DAGLA: variants seen among roughly 807,000 people sequenced by gnomAD.
The protein encoded by DAGLA is diacylglycerol lipase alpha.
DAGLA carries 22 observed loss-of-function variants against 102.6 expected under a neutral mutation model. The ratio of observed to expected loss-of-function variants is 0.21; its 90% CI spans 0.15 to 0.31. The LOEUF is 0.31. DAGLA is among the 10% of genes least tolerant of loss of function. The pLI, the probability that DAGLA is intolerant of heterozygous loss-of-function variation, is 1.00. For synonymous variants in DAGLA, 578 were observed against 628.9 expected (o/e 0.92, Z 1.21); for missense variants, 927 against 1,446.6 (o/e 0.64, Z 5.83).
chr11:61,735,534 C>G, intron 10 of DAGLA, 27 bp from the exon 11 acceptor site: 1 of 1,610,576 alleles, frequency 6.2e-7, no homozygotes, highest in Non-Finnish European at 8.5e-7. Flanking sequence ...CAGGGCCGCT[C>G]AGGCTCACGA....
At chr11:61,731,215 C>G in intron 8 of DAGLA, 102 bp from the exon 9 acceptor site, 2 of 1,444,078 alleles carry the variant, frequency 1.4e-6, no homozygotes, top group Non-Finnish European at 1.9e-6. Context: ...CCCTCCCTGC[C>G]AGGGGTTGGG....
intron 1 of DAGLA, among the ~76,000 whole-genome samples, chr11:61,710,139 G>A (rs919095142): frequency 8.5e-5 from 13 of 152,160 alleles, no homozygotes; most frequent in African/African-American, 2.9e-4. Context: ...CTTCACTGAG[G>A]CGTTGCCAGC....
chr11:61,725,550 C>G (rs2065317986), intron 5 of DAGLA, among the ~76,000 whole-genome samples: 1 of 152,178 alleles, frequency 6.6e-6, no homozygotes, highest in Non-Finnish European at 1.5e-5. Context: ...AAGGTCTGTT[C>G]CAGGCCTTAG....
chr11:61,737,369 A>G, intron 14 of DAGLA, 45 bp downstream of exon 14: 1 of 1,603,776 alleles, frequency 6.2e-7, no homozygotes, highest in South Asian at 1.1e-5. Flanking sequence ...AGTTGGGACC[A>G]GTGGAGGCTG....
chr11:61,725,128 T>C (rs2135586900), intron 5 of DAGLA, among the ~76,000 whole-genome samples: 1 of 152,294 alleles, frequency 6.6e-6, no homozygotes, highest in Non-Finnish European at 1.5e-5. Flanking sequence ...CATCAGGCTT[T>C]TAAGGGGCCG....
chr11:61,737,940 G>A (rs1224185985), intron 15 of DAGLA, among the ~76,000 whole-genome samples, 185 bp downstream of exon 15: 3 of 151,728 alleles, frequency 2.0e-5, no homozygotes, highest in South Asian at 2.1e-4. Flanking sequence ...GCTGGCGCCC[G>A]CCCTGCCTGT....
At chr11:61,702,801 G>A (rs1565250111) in intron 1 of DAGLA, among the ~76,000 whole-genome samples, 2 of 152,244 alleles carry the variant, frequency 1.3e-5, no homozygotes, top group African/African-American at 4.8e-5. Flanking sequence ...AGGGAAGCCA[G>A]GCTTGTCAAT....
intron 1 of DAGLA, among the ~76,000 whole-genome samples, chr11:61,688,729 G>A (rs2065003826): frequency 6.6e-6 from 1 of 152,222 alleles, no homozygotes; most frequent in Non-Finnish European, 1.5e-5. Context: ...GTGTGGGGAG[G>A]AAGGAGGATA....
intron 1 of DAGLA, among the ~76,000 whole-genome samples, chr11:61,704,121 C>CTTT (rs59450113): frequency 5.4e-5 from 5 of 91,950 alleles, no homozygotes; most frequent in East Asian, 5.5e-4. Flanking sequence ...CAGAGAATTT[C>CTTT]TTTTTTTTTT....
intron 1 of DAGLA, among the ~76,000 whole-genome samples, chr11:61,690,465 A>G (rs1235007630): frequency 1.3e-5 from 2 of 152,218 alleles, no homozygotes; most frequent in African/African-American, 4.8e-5. Flanking sequence ...CTATGTGGTG[A>G]GTCCTCTCTG....
In DAGLA at chr11:61,737,333, T is replaced by G; in HGVS notation, c.1514+9T>G. The G allele has an allele frequency of 6.2e-7, 1 of 1,609,448 alleles. No individual in the cohort carries two copies. Among genetic ancestry groups the G allele is most frequent in the Non-Finnish European group, 8.5e-7 (1 of 1,179,998 alleles). The stretch of plus-strand genomic sequence containing the variant: ...CCAGGGGGCCTGCTGAGGTGAGCCA[T>G]CTGGGGCTTCAGAGTTGGCTGGGGC... On this transcript the variant is annotated intron_variant, in intron 14 of 19. Coordinates refer to ENST00000257215, the MANE Select transcript of DAGLA (RefSeq NM_006133.3).
chr11:61,704,536 T>C (rs1392742744), intron 1 of DAGLA, among the ~76,000 whole-genome samples: 3 of 151,946 alleles, frequency 2.0e-5, no homozygotes, highest in Non-Finnish European at 4.4e-5. Context: ...TGACCTGCCT[T>C]GGGAAAGAGG....
intron 1 of DAGLA, among the ~76,000 whole-genome samples, chr11:61,706,692 G>T (rs1258457338): frequency 1.3e-5 from 2 of 152,214 alleles, no homozygotes; most frequent in Non-Finnish European, 2.9e-5. Flanking sequence ...GAGCTGTGAC[G>T]CAGGCTGACC....
chr11:61,733,108 C>T (rs2065390397), intron 9 of DAGLA, among the ~76,000 whole-genome samples: 1 of 152,224 alleles, frequency 6.6e-6, no homozygotes, highest in African/African-American at 2.4e-5. Flanking sequence ...GATCTCACAC[C>T]AGCCTTGTGA....
At chr11:61,682,787 C>T (rs960744003) in intron 1 of DAGLA, among the ~76,000 whole-genome samples, 1 of 148,102 alleles carries the variant, frequency 6.8e-6, no homozygotes, top group Non-Finnish European at 1.5e-5. Flanking sequence ...TCAGAGCATC[C>T]ACAGATCGAT....
intron 1 of DAGLA, among the ~76,000 whole-genome samples, chr11:61,714,122 T>C (rs560135469): frequency 9.2e-5 from 14 of 152,158 alleles, no homozygotes; most frequent in Non-Finnish European, 2.1e-4. Flanking sequence ...ATAGCAACCG[T>C]GGGGGCCCTT....
At chr11:61,689,242 A>G (rs1565245318) in intron 1 of DAGLA, among the ~76,000 whole-genome samples, 1 of 152,224 alleles carries the variant, frequency 6.6e-6, no homozygotes, top group Non-Finnish European at 1.5e-5. Flanking sequence ...CCCAGTGGCT[A>G]AGGGGACTGT....
chr11:61,682,783 C>A (rs1388755785), intron 1 of DAGLA, among the ~76,000 whole-genome samples: 1 of 148,798 alleles, frequency 6.7e-6, no homozygotes, highest in Non-Finnish European at 1.5e-5. Flanking sequence ...TGGGTCAGAG[C>A]ATCCACAGAT....
chr11:61,731,249 A>C, intron 8 of DAGLA, 68 bp from the exon 9 acceptor site: 4 of 1,582,232 alleles, frequency 2.5e-6, no homozygotes, highest in Non-Finnish European at 3.4e-6. Context: ...ACCCTGGGGA[A>C]CTGCTGGGCC....
Sources: allele counts gnomAD v4.1 joint callset (sites outside exome capture counted in the v4.1 genomes callset), GRCh38; gene constraint gnomAD v4.1.1; transcripts MANE v1.5; gene names NCBI Gene and HGNC (gene_info 2026-07-23, HGNC 2026-07-21).